The following PRMT1 variants were observed in gnomAD, a reference collection of about 807,000 sequenced individuals.
PRMT1 encodes the protein protein arginine methyltransferase 1.
PRMT1 carries 5 observed loss-of-function variants against 47.4 expected under a neutral mutation model. The observed-to-expected ratio is 0.11, with a 90% CI of 0.06 to 0.22. PRMT1 has a LOEUF of 0.22. PRMT1 is among the 10% of genes least tolerant of loss of function. PRMT1 has a pLI of 1.00. For synonymous variants in PRMT1, 227 were observed against 204.6 expected, an observed-to-expected ratio of 1.11 and a Z score of -0.94; for missense variants, 249 against 518.4, an observed-to-expected ratio of 0.48 and a Z score of 5.05.
chr19:49,684,341 G>A lies in PRMT1; in HGVS notation c.555+272G>A, dbSNP rs1314560764. On this transcript the variant is annotated intron_variant, in intron 6 of 10. Coordinates refer to ENST00000454376, the MANE Select transcript of PRMT1 (RefSeq NM_001536.6). This position sits in a 1 kb window ranked among gnomAD's most constrained non-coding sequence, Gnocchi z 6.2. ...CCGGGAGAGGTGAGGTGACGGAGAG[G>A]TGGATGAAGCATACGGAGGGGCAGC... is the stretch of plus-strand genomic sequence containing the variant. 6.6e-6 allele frequency among the ~76,000 whole-genome samples: 1 copy of A among 152,154 alleles called. No individual in the cohort carries two copies. The highest frequency in any genetic ancestry group is 1.5e-5 in the Non-Finnish European group (1 of 68,028).
At position 49,685,101 on chromosome 19, in the gene PRMT1, C is replaced by T; in HGVS notation, c.759+64C>T. 4 of 1,607,540 alleles carry T rather than the reference C, an allele frequency of 2.5e-6. No homozygotes were observed. Among genetic ancestry groups the T allele is most frequent in the Non-Finnish European group, 3.4e-6 (4 of 1,177,006 alleles). On this transcript the variant is annotated intron_variant, in intron 8 of 10. Coordinates refer to ENST00000454376, the MANE Select transcript of PRMT1 (RefSeq NM_001536.6). The surrounding 1 kb of genome is among the most constrained non-coding windows in gnomAD (Gnocchi z 4.7). ...AACCAAAGAGAGGCCATCACCTGGC[C>T]CTGGCATGGGACTTTGGGGCCCAGA... is the stretch of plus-strand genomic sequence containing the variant.
At position 49,680,334 on chromosome 19, in the gene PRMT1, G is replaced by C; in HGVS notation, c.91-153G>C. The C allele has an allele frequency of 8.4e-7, 1 of 1,184,314 alleles. No homozygotes were observed. 73.4% of individuals were successfully genotyped at this position (1,184,314 alleles called of 1,614,324 possible). On this transcript the variant is annotated intron_variant, in intron 2 of 10. Coordinates refer to ENST00000454376, the MANE Select transcript of PRMT1 (RefSeq NM_001536.6). The surrounding 1 kb of genome is among the most constrained non-coding windows in gnomAD (Gnocchi z 4.2). ...GGGTTGTTAGGTTTTGGGGTTCCTG[G>C]GGGGGCAAGATGGCAGGCGGGGGCT... is the stretch of plus-strand genomic sequence containing the variant.
intron 9 of PRMT1, 35 bp from the exon 10 acceptor site, chr19:49,686,570 C>A: frequency 6.3e-7 from 1 of 1,591,802 alleles, no homozygotes; most frequent in Non-Finnish European, 8.5e-7. Context: ...GGGGGGGCAG[C>A]AGGCCGAGGC....
At chr19:49,683,687 CAAAAAAA>C (rs34880220) in intron 5 of PRMT1, 30 of 227,302 alleles carry the variant, frequency 1.3e-4, no homozygotes, top group East Asian at 2.1e-4. Context: ...GACTCCGTCT[CAAAAAAA>C]AAAAAAAAAA....
Position 49,680,222 on chromosome 19 carries a change from G to C in PRMT1, c.91-265G>C, listed in dbSNP as rs2082096266. The C allele has an allele frequency of 6.3e-7, 1 of 1,596,646 alleles. No homozygotes were observed. Among genetic ancestry groups the C allele is most frequent in the East Asian group, 2.3e-5 (1 of 43,984 alleles). ...GTGGGCTGAGCTAGAGACGGGGTCAGAGAGACTGGAGAGATGGTAGGCGTG... is the reference window on the plus strand; with the variant it reads ...GTGGGCTGAGCTAGAGACGGGGTCACAGAGACTGGAGAGATGGTAGGCGTG... On this transcript the variant is annotated intron_variant, in intron 2 of 10. Coordinates refer to ENST00000454376, the MANE Select transcript of PRMT1 (RefSeq NM_001536.6). This position sits in a 1 kb window ranked among gnomAD's most constrained non-coding sequence, Gnocchi z 4.2.
chr19:49,682,139 A>G, intron 4 of PRMT1, 57 bp from the exon 5 acceptor site: 1 of 1,613,576 alleles, frequency 6.2e-7, no homozygotes, highest in East Asian at 2.2e-5. Flanking sequence ...CAGGGATTGG[A>G]TGGAGGTGAT....
intron 1 of PRMT1, 82 bp downstream of exon 1, chr19:49,677,398 AGTTGGCGATATGGG>A: frequency 1.6e-6 from 2 of 1,249,364 alleles, no homozygotes; most frequent in Non-Finnish European, 2.1e-6. Context: ...AAGGGCTCTA[AGTTGGCGATATGGG>A]GTTGGAGGTC....
Position 49,685,889 on chromosome 19 carries a change from A to G in PRMT1, c.760-204A>G. On this transcript the variant is annotated intron_variant, in intron 8 of 10. Coordinates refer to ENST00000454376, the MANE Select transcript of PRMT1 (RefSeq NM_001536.6). This position sits in a 1 kb window ranked among gnomAD's most constrained non-coding sequence, Gnocchi z 4.7. ...GGTGTTGGAGAGGAGGGAGCAAGGA[A>G]TCTGGGCTCGAACCCACATGGTTTA... 1 of 1,403,962 alleles carries G rather than the reference A, an allele frequency of 7.1e-7. No homozygotes were observed. The highest frequency in any genetic ancestry group is 1.6e-5 in the South Asian group (1 of 64,422). 87.0% of individuals were successfully genotyped at this position (1,403,962 alleles called of 1,614,324 possible).
chr19:49,681,857 C>T lies in PRMT1; in HGVS notation c.193-53C>T. On this transcript the variant is annotated intron_variant, in intron 3 of 10. Transcript: ENST00000454376. This position sits in a 1 kb window ranked among gnomAD's most constrained non-coding sequence, Gnocchi z 4.4. ...CCGAGCTCTCAGGACACGCTGTTCT[C>T]CAGCTGGGGATATGGGGCCCCTCAC... The T allele has an allele frequency of 6.4e-7, 1 of 1,574,446 alleles. No homozygotes were observed. Among genetic ancestry groups the T allele is most frequent in the African/African-American group, 1.3e-5 (1 of 74,338 alleles).
intron 1 of PRMT1, among the ~76,000 whole-genome samples, chr19:49,679,348 T>C (rs2082081496): frequency 6.6e-6 from 1 of 152,088 alleles, no homozygotes. Context: ...GGGTACTAGC[T>C]CTGGGGAAGT....
intron 5 of PRMT1, 31 bp downstream of exon 5, chr19:49,682,290 A>G: frequency 6.2e-7 from 1 of 1,607,044 alleles, no homozygotes; most frequent in Non-Finnish European, 8.5e-7. Context: ...GGTTTGTGGG[A>G]GTGGAGGGGG....
rs1198958753 is a variant in PRMT1 at position 49,684,787 on chromosome 19, A to G, written c.589A>G (p.Thr197Ala). The change falls in exon 7 of 11, where the codon ACG becomes GCG. Residue 197 changes from threonine to alanine, a missense_variant. Around this residue, in one of 2 missense-constraint regions of PRMT1, gnomAD observed 190 missense variants for 456.7 expected, o/e 0.42. Transcript: ENST00000454376. This position sits in a 1 kb window ranked among gnomAD's most constrained non-coding sequence, Gnocchi z 6.2. ...PDGLIFPDRATLYVTAIEDRQ... is the reference protein window; with the variant it reads ...PDGLIFPDRAALYVTAIEDRQ... ...TGGCCTCATCTTCCCAGACCGGGCC[A>G]CGCTGTATGTGACGGCCATCGAGGA... is the stretch of plus-strand genomic sequence containing the variant. 1 of 1,573,858 alleles carries G rather than the reference A, an allele frequency of 6.4e-7. No individual in the cohort carries two copies. The highest frequency in any genetic ancestry group is 8.6e-7 in the Non-Finnish European group (1 of 1,159,588).
Position 49,677,329 on chromosome 19 carries a change from A to G in PRMT1, c.36+13A>G, listed in dbSNP as rs769340075. ...CTGCATCATGGAGGTGAGCGCTTGG[A>G]GCGCCGCCGTGGGCGGGAGGCGGCT... On this transcript the variant is annotated intron_variant, in intron 1 of 10. Transcript: ENST00000454376. 4 of 1,392,766 alleles carry G rather than the reference A, an allele frequency of 2.9e-6. No homozygotes were observed. In the South Asian group the frequency reaches 6.8e-5, roughly 24 times the overall value. The allele number at this position is 1,392,766 out of a possible 1,614,324, so 86.3% of individuals were successfully genotyped here.
intron 10 of PRMT1, chr19:49,687,913 A>G (rs2082233747): frequency 3.5e-6 from 2 of 576,984 alleles, no homozygotes; most frequent in Non-Finnish European, 3.1e-6. Context: ...CTGATGGAGA[A>G]ATCCAAGGGC....
intron 5 of PRMT1, 162 bp from the exon 6 acceptor site, chr19:49,683,765 C>A: frequency 1.3e-6 from 1 of 745,212 alleles, no homozygotes; most frequent in Non-Finnish European, 2.1e-6. Context: ...TCAAAAATGT[C>A]CAGAACGATG....
In PRMT1 at chr19:49,680,782, C is replaced by T. The variant is rs2082106698; in HGVS notation, c.192+194C>T. On this transcript the variant is annotated intron_variant, in intron 3 of 10. Coordinates refer to ENST00000454376, the MANE Select transcript of PRMT1 (RefSeq NM_001536.6). This position sits in a 1 kb window ranked among gnomAD's most constrained non-coding sequence, Gnocchi z 4.2. The stretch of plus-strand genomic sequence containing the variant: ...AGACCGAGGTTAGCCTGAATCTCTG[C>T]AGGGGCCTCGCGCCGAAGGCTGGGG... Among the ~76,000 whole-genome samples the T allele has an allele frequency of 6.6e-6, 1 of 152,256 alleles. No individual in the cohort carries two copies. Among genetic ancestry groups the T allele is most frequent in the African/African-American group, 2.4e-5 (1 of 41,474 alleles).
rs1406145660 is a variant in PRMT1 at position 49,680,417 on chromosome 19, G to A, written c.91-70G>A. The A allele has an allele frequency of 2.3e-6, 3 of 1,307,526 alleles. No individual in the cohort carries two copies. In the African/African-American group the frequency reaches 4.4e-5, roughly 19 times the overall value. The allele number at this position is 1,307,526 out of a possible 1,614,324, so 81.0% of individuals were successfully genotyped here. The stretch of plus-strand genomic sequence containing the variant: ...TATACTACTCTTCAGGGAAAAGTAG[G>A]GCGCTGGAGGTTTAAGAGGCTGTGG... On this transcript the variant is annotated intron_variant, in intron 2 of 10. Transcript: ENST00000454376. The surrounding 1 kb of genome is among the most constrained non-coding windows in gnomAD (Gnocchi z 4.2).
intron 5 of PRMT1, among the ~76,000 whole-genome samples, chr19:49,682,988 G>A (rs975422191): frequency 2.6e-5 from 4 of 151,688 alleles, no homozygotes; most frequent in South Asian, 4.2e-4. Context: ...GGGTTTCACC[G>A]TGTTAGCCAG....
Position 49,680,828 on chromosome 19 carries a change from T to TG in PRMT1, c.192+244dup, listed in dbSNP as rs897756996. ...TGGGGTGGGAGAGCGCATGCGTGCC[T>TG]GGGGCCTTAGCCAGAGGTCGGGCAG... On this transcript the variant is annotated intron_variant, in intron 3 of 10. Coordinates refer to ENST00000454376, the MANE Select transcript of PRMT1 (RefSeq NM_001536.6). This position sits in a 1 kb window ranked among gnomAD's most constrained non-coding sequence, Gnocchi z 4.2. 1.3e-5 allele frequency among the ~76,000 whole-genome samples: 2 copies of TG among 152,190 alleles called. No individual in the cohort carries two copies. Among genetic ancestry groups the TG allele is most frequent in the African/African-American group, 4.8e-5 (2 of 41,464 alleles).
Sources: allele counts gnomAD v4.1 joint callset (sites outside exome capture counted in the v4.1 genomes callset), GRCh38; gene constraint gnomAD v4.1.1; regional missense constraint gnomAD v4.1.1; non-coding constraint Gnocchi (gnomAD v3.1); transcripts MANE v1.5; gene names NCBI Gene and HGNC (gene_info 2026-07-23, HGNC 2026-07-21).